The following GARS1 variants were observed in gnomAD, a reference collection of about 807,000 sequenced individuals.
GARS1 encodes the protein glycyl-tRNA synthetase 1.
In GARS1, 46 loss-of-function variants were observed where a neutral mutation model predicts 86.4. The observed-to-expected ratio is 0.53, with a 90% confidence interval of 0.42 to 0.68. The LOEUF (loss-of-function observed/expected upper bound fraction) is 0.68, where lower values mean the gene tolerates loss of function less well. GARS1 is among the 30% of genes least tolerant of loss of function. The probability of loss-of-function intolerance (pLI) is 0.00; values close to 1 mark genes in which losing one functional copy is unlikely to be tolerated. For synonymous variants in GARS1, 342 were observed against 329.8 expected (o/e 1.04, Z -0.40); for missense variants, 797 against 915.6 (o/e 0.87, Z 1.67).
chr7:30,609,836 T>TGA, intron 7 of GARS1, 106 bp downstream of exon 7: 2 of 921,260 alleles, frequency 2.2e-6, no homozygotes, highest in Non-Finnish European at 1.7e-6. Context: ...TAAAAAGTGA[T>TGA]ATACAGAAGT....
chr7:30,619,776 C>CTTTTTTTTT (rs61613428), intron 10 of GARS1, among the ~76,000 whole-genome samples: 176 of 124,242 alleles, frequency 1.4e-3, no homozygotes, highest in African/African-American at 2.7e-3. Context: ...TTCTTTTTTT[C>CTTTTTTTTT]TTTTTTTTTT....
intron 5 of GARS1, 78 bp downstream of exon 5, chr7:30,603,200 A>AT: frequency 8.1e-7 from 1 of 1,238,370 alleles, no homozygotes; most frequent in Non-Finnish European, 1.2e-6. Flanking sequence ...CTTTCATTAA[A>AT]TTTTTTATTG....
intron 13 of GARS1, 23 bp from the exon 14 acceptor site, chr7:30,628,537 T>C (rs373757373): frequency 1.1e-5 from 16 of 1,502,948 alleles, no homozygotes; most frequent in East Asian, 4.5e-5. Flanking sequence ...GAGAATGTTA[T>C]TGAATTTCTA....
chr7:30,595,788 C>T (rs755556962), intron 1 of GARS1: 13 of 471,036 alleles, frequency 2.8e-5, no homozygotes, highest in African/African-American at 2.2e-4. Context: ...AACTCATCAT[C>T]CTTTGCTCTT....
chr7:30,603,495 GCT>G lies in GARS1; in HGVS notation c.660_661del (p.His221PhefsTer7). 6.2e-7 allele frequency: 1 copy of G among 1,611,934 alleles called. No homozygotes were observed. The highest frequency in any genetic ancestry group is 8.5e-7 in the Non-Finnish European group (1 of 1,178,432). Reference sequence around the variant, plus strand: ...GATATATGTCAACACTGTTCTTACAGCTCATTTACAGAAATTGATGTCTGATA... The same window carrying G: ...GATATATGTCAACACTGTTCTTACAGCATTTACAGAAATTGATGTCTGATA... ...ECFRADHLLK[A>X]HLQKLMSDKK... On this transcript the variant is annotated frameshift_variant and splice_region_variant, in exon 6 of 17. Coordinates refer to ENST00000389266, the MANE Select transcript of GARS1 (RefSeq NM_002047.4). LOFTEE classifies it high-confidence loss of function.
At chr7:30,602,120 G>A (rs1259838506) in intron 4 of GARS1, among the ~76,000 whole-genome samples, 7 of 150,434 alleles carry the variant, frequency 4.7e-5, no homozygotes, top group Non-Finnish European at 8.9e-5. Context: ...ATGGAGTCTC[G>A]CTCTGTCCCC....
intron 13 of GARS1, 92 bp downstream of exon 13, chr7:30,626,411 G>A (rs988809939): frequency 1.4e-5 from 11 of 800,112 alleles, no homozygotes; most frequent in Non-Finnish European, 1.9e-5. Flanking sequence ...ACCCAGGCTG[G>A]AGTGCAGTGG....
At chr7:30,619,412 G>A (rs953888767) in intron 10 of GARS1, among the ~76,000 whole-genome samples, 14 of 152,016 alleles carry the variant, frequency 9.2e-5, no homozygotes, top group East Asian at 1.9e-4. Context: ...AAAATTTACC[G>A]TTGCAGTTAA....
chr7:30,631,353 A>G, intron 14 of GARS1, 95 bp from the exon 15 acceptor site: 4 of 940,562 alleles, frequency 4.3e-6, no homozygotes, highest in East Asian at 2.6e-5. Flanking sequence ...ATGCTTGAAC[A>G]CTTGCTGAAT....
chr7:30,632,005 T>C lies in GARS1; in HGVS notation c.1904-242T>C. The C allele has an allele frequency of 2.0e-6, 1 of 508,624 alleles. No individual in the cohort carries two copies. The allele number at this position is 508,624 out of a possible 1,614,324, so 31.5% of individuals were successfully genotyped here. A position where few individuals can be genotyped will look rare whatever the true frequency, so the allele number is the denominator to read the frequency against. On this transcript the variant is annotated intron_variant, in intron 15 of 16. Coordinates refer to ENST00000389266, the MANE Select transcript of GARS1 (RefSeq NM_002047.4). This position sits in a 1 kb window ranked among gnomAD's most constrained non-coding sequence, Gnocchi z 4.1. ...GGAGTCAGGACTCACCTTCTGGCCT[T>C]GGCTCTTGGTCCCATATTTGTTCCC...
intron 7 of GARS1, among the ~76,000 whole-genome samples, chr7:30,611,192 C>T (rs113850958): frequency 9.9e-5 from 15 of 152,152 alleles, no homozygotes; most frequent in East Asian, 7.7e-4. Flanking sequence ...CAGAGAAATG[C>T]GGAAGCCTCT....
chr7:30,631,608 A>G (rs577233410), intron 15 of GARS1, 67 bp downstream of exon 15: 5 of 995,680 alleles, frequency 5.0e-6, no homozygotes, highest in Admixed American at 3.4e-5. Context: ...TAGGAAATGT[A>G]TCATTTATTT....
At position 30,594,937 on chromosome 7, in the gene GARS1, C is replaced by A; in HGVS notation, c.16C>A (p.Pro6Thr). 6.3e-7 allele frequency: 1 copy of A among 1,594,086 alleles called. No homozygotes were observed. Among genetic ancestry groups the A allele is most frequent in the Non-Finnish European group, 8.5e-7 (1 of 1,177,350 alleles). Reference protein sequence around the residue: MPSPRPVLLRGARAAL... With the variant: MPSPRTVLLRGARAAL... ...CCGCAGGCTCATGCCCTCTCCGCGTCCAGTGCTGCTTAGAGGTGCTCGCGC... is the reference window on the plus strand; with the variant it reads ...CCGCAGGCTCATGCCCTCTCCGCGTACAGTGCTGCTTAGAGGTGCTCGCGC... The change falls in exon 1 of 17, where the codon CCA becomes ACA. Residue 6 changes from proline to threonine, a missense_variant. By Grantham distance (38) the Pro-to-Thr change is conservative. Coordinates refer to ENST00000389266, the MANE Select transcript of GARS1 (RefSeq NM_002047.4).
At chr7:30,597,338 A>G (rs1022537897) in intron 1 of GARS1, among the ~76,000 whole-genome samples, 16 of 152,248 alleles carry the variant, frequency 1.1e-4, no homozygotes, top group African/African-American at 3.6e-4. Context: ...ATTCATTGCT[A>G]TAGTTTCTGA....
At chr7:30,616,334 A>G (rs73085803) in intron 9 of GARS1, among the ~76,000 whole-genome samples, 12 of 152,348 alleles carry the variant, frequency 7.9e-5, no homozygotes, top group East Asian at 1.9e-4. Flanking sequence ...TGCCTCACCA[A>G]TCTGACTCAA....
intron 8 of GARS1, among the ~76,000 whole-genome samples, chr7:30,615,652 T>G (rs1650542540): frequency 6.6e-6 from 1 of 152,182 alleles, no homozygotes; most frequent in African/African-American, 2.4e-5. Flanking sequence ...CCTTCACATG[T>G]ACCCCATAAA....
At position 30,626,280 on chromosome 7, in the gene GARS1, G is replaced by T; in HGVS notation, c.1660G>T (p.Asp554Tyr). 1 of 1,608,082 alleles carries T rather than the reference G, an allele frequency of 6.2e-7. No homozygotes were observed. Among genetic ancestry groups the T allele is most frequent in the Non-Finnish European group, 8.5e-7 (1 of 1,174,630 alleles). Reference sequence around the variant, plus strand: ...AGGGAAAACATTTCAGTTAACAAAAGACATGATCAATGTGAAGAGATTCCA... The same window carrying T: ...AGGGAAAACATTTCAGTTAACAAAATACATGATCAATGTGAAGAGATTCCA... ...TEGKTFQLTKDMINVKRFQKT... is the reference protein window; with the variant it reads ...TEGKTFQLTKYMINVKRFQKT... The change falls in exon 13 of 17, where the codon GAC (aspartate) becomes TAC (tyrosine). Residue 554 changes from aspartate (D) to tyrosine (Y), a missense_variant. Transcript: ENST00000389266.
At position 30,599,984 on chromosome 7, in the gene GARS1, G is replaced by A. The variant is rs1363263798; in HGVS notation, c.362G>A (p.Arg121Gln). ...ALQPKDDIVD[R>Q]AKMEDTLKRR... ...CAGCCCAAAGATGATATTGTAGACC[G>A]AGCAAAAATGGAAGATACCCTGAAG... Residue 121 changes from arginine (R) to glutamine (Q), a missense_variant, in exon 3 of 17, where the codon CGA becomes CAA. Physicochemically the swap from Arg to Gln is conservative, Grantham distance 43. Around this residue, in one of 2 missense-constraint regions of GARS1, gnomAD observed 199 missense variants for 176.9 expected, o/e 1.12. Coordinates refer to ENST00000389266, the MANE Select transcript of GARS1 (RefSeq NM_002047.4). The A allele has an allele frequency of 8.1e-6, 13 of 1,612,878 alleles. No individual in the cohort carries two copies. Among genetic ancestry groups the A allele is most frequent in the South Asian group, 4.4e-5 (4 of 91,058 alleles).
chr7:30,628,065 G>C (rs186670490), intron 13 of GARS1, among the ~76,000 whole-genome samples: 77 of 152,166 alleles, frequency 5.1e-4, no homozygotes, highest in South Asian at 1.0e-3. Flanking sequence ...CTCTTCAAAG[G>C]CATGTTTCCT....
Sources: gnomAD v4.1 joint callset for allele counts (sites outside exome capture counted in the v4.1 genomes callset) on GRCh38, gnomAD v4.1.1 for gene constraint, gnomAD v4.1.1 regional missense constraint, Gnocchi (gnomAD v3.1) non-coding constraint, MANE v1.5 for transcripts, NCBI Gene and HGNC (gene_info 2026-07-23, HGNC 2026-07-21) for gene names.